Variants in CSMD3 observed in about 807,000 individuals in gnomAD.
CSMD3 encodes the protein CUB and sushi domain-containing protein 3.
In CSMD3, 177 loss-of-function variants were observed where a neutral mutation model predicts 435.2. The ratio of observed to expected loss-of-function variants is 0.41; its 90% CI spans 0.36 to 0.46. CSMD3 has a LOEUF of 0.46. CSMD3 is among the 20% of genes least tolerant of loss of function. CSMD3 has a pLI of 0.34. For missense variants in CSMD3, 4,265 were observed against 4,504.6 expected (o/e 0.95, Z 1.52); for synonymous variants, 1,656 against 1,520.5 (o/e 1.09, Z -2.07).
intron 3 of CSMD3, among the ~76,000 whole-genome samples, chr8:113,235,045 G>A (rs2093132143): frequency 6.6e-6 from 1 of 152,108 alleles, no homozygotes; most frequent in African/African-American, 2.4e-5. Context: ...GTTTTTCATG[G>A]GAGGTGCAGG....
chr8:112,264,188 A>C (rs1030059342), intron 60 of CSMD3, among the ~76,000 whole-genome samples: 2 of 152,124 alleles, frequency 1.3e-5, no homozygotes, highest in African/African-American at 4.8e-5. Flanking sequence ...TGGGTTGTTT[A>C]ACTATATATA....
chr8:112,501,437 G>A (rs1368494580), intron 30 of CSMD3, among the ~76,000 whole-genome samples: 1 of 149,622 alleles, frequency 6.7e-6, no homozygotes, highest in African/African-American at 2.4e-5. Flanking sequence ...ATGCAAAATA[G>A]GAAAAAGATG....
At chr8:112,821,006 G>A (rs1281397840) in intron 12 of CSMD3, among the ~76,000 whole-genome samples, 2 of 152,148 alleles carry the variant, frequency 1.3e-5, no homozygotes, top group Non-Finnish European at 2.9e-5. Context: ...TGGCTGCATA[G>A]TATTCCATGA....
At chr8:113,131,009 A>C (rs900593800) in intron 4 of CSMD3, among the ~76,000 whole-genome samples, 20 of 152,184 alleles carry the variant, frequency 1.3e-4, no homozygotes, top group African/African-American at 4.8e-4. Context: ...GAAATTTCTA[A>C]GGAGCAAAGT....
intron 1 of CSMD3, among the ~76,000 whole-genome samples, chr8:113,408,573 T>G (rs2094543341): frequency 6.6e-6 from 1 of 151,934 alleles, no homozygotes; most frequent in South Asian, 2.1e-4. Context: ...ATAAAGGTAT[T>G]GACTAAGATA....
At chr8:112,816,727 A>C (rs2079386133) in intron 12 of CSMD3, among the ~76,000 whole-genome samples, 1 of 152,074 alleles carries the variant, frequency 6.6e-6, no homozygotes, top group Non-Finnish European at 1.5e-5. Context: ...AAGAGCAATG[A>C]TAGTCATCTA....
At chr8:113,242,653 T>C (rs1163557787) in intron 3 of CSMD3, among the ~76,000 whole-genome samples, 3 of 152,038 alleles carry the variant, frequency 2.0e-5, no homozygotes, top group South Asian at 4.1e-4. Flanking sequence ...TATTTTTTAA[T>C]AGAAATTAAT....
At chr8:113,023,408 C>T (rs1426113077) in intron 5 of CSMD3, among the ~76,000 whole-genome samples, 1 of 152,060 alleles carries the variant, frequency 6.6e-6, no homozygotes, top group Non-Finnish European at 1.5e-5. Flanking sequence ...CTCTCTCTCT[C>T]TCCCTCTCTC....
At chr8:113,319,506 A>T (rs1248243729) in intron 1 of CSMD3, among the ~76,000 whole-genome samples, 1 of 151,986 alleles carries the variant, frequency 6.6e-6, no homozygotes, top group Non-Finnish European at 1.5e-5. Flanking sequence ...ATAGCCCATA[A>T]ATTGCCTATT....
In CSMD3 at chr8:112,287,079, GC is replaced by G; in HGVS notation, c.9315del (p.Arg3105SerfsTer66). 6.2e-7 allele frequency: 1 copy of G among 1,613,472 alleles called. No homozygotes were observed. Among genetic ancestry groups the G allele is most frequent in the East Asian group, 2.2e-5 (1 of 44,850 alleles). On this transcript the variant is annotated frameshift_variant, in exon 58 of 71. Coordinates refer to ENST00000297405, the MANE Select transcript of CSMD3 (RefSeq NM_198123.2). LOFTEE classifies it high-confidence loss of function. The stretch of plus-strand genomic sequence containing the variant: ...TTGAGATTACCTTTGCACTCTGGCT[GC>G]CTTCCGGTCCAACTGCCATTAGCTA... ...TCLANGSWTG[R>X]QPECKAVQCG...
intron 1 of CSMD3, among the ~76,000 whole-genome samples, chr8:113,366,714 T>C (rs1437426292): frequency 6.6e-6 from 1 of 152,054 alleles, no homozygotes; most frequent in African/African-American, 2.4e-5. Context: ...ACAAAATCAG[T>C]TTGCTCATTT....
intron 1 of CSMD3, among the ~76,000 whole-genome samples, chr8:113,372,919 C>T (rs1343973186): frequency 2.2e-5 from 3 of 133,986 alleles, no homozygotes; most frequent in African/African-American, 5.5e-5. Context: ...CCGGCCTGGG[C>T]GACAGAGCGA....
chr8:112,540,298 C>CA (rs1043416544), intron 27 of CSMD3, among the ~76,000 whole-genome samples: 36 of 150,912 alleles, frequency 2.4e-4, no homozygotes, highest in East Asian at 7.8e-4. Flanking sequence ...GAGAAAGATG[C>CA]AAAAAAAAGA....
chr8:112,480,822 A>C (rs1819562916), intron 31 of CSMD3, among the ~76,000 whole-genome samples: 1 of 152,186 alleles, frequency 6.6e-6, no homozygotes, highest in Admixed American at 6.6e-5. Context: ...ATAGTAATGC[A>C]AACAGACAAA....
chr8:112,463,364 A>T (rs531558431), intron 32 of CSMD3, among the ~76,000 whole-genome samples: 23 of 152,202 alleles, frequency 1.5e-4, no homozygotes, highest in Non-Finnish European at 3.2e-4. Context: ...TCTGTCTCAA[A>T]GAAAGAGAAA....
chr8:112,657,025 G>A (rs1288365144), intron 17 of CSMD3, among the ~76,000 whole-genome samples: 1 of 149,872 alleles, frequency 6.7e-6, no homozygotes, highest in African/African-American at 2.5e-5. Context: ...TTCCAAGTAA[G>A]AAAACCACAG....
intron 30 of CSMD3, among the ~76,000 whole-genome samples, chr8:112,495,641 G>C (rs117582116): frequency 0.016 from 2,403 of 152,064 alleles, 30 homozygotes; most frequent in Non-Finnish European, 0.023. Flanking sequence ...GAAAACACCT[G>C]GAGAATACTT....
chr8:112,538,004 G>T (rs1156604608), intron 27 of CSMD3, among the ~76,000 whole-genome samples: 3 of 151,842 alleles, frequency 2.0e-5, no homozygotes, highest in Admixed American at 6.6e-5. Context: ...TGATCAAGTG[G>T]GATACATCCC....
intron 3 of CSMD3, among the ~76,000 whole-genome samples, chr8:113,275,129 T>C (rs2093560121): frequency 6.6e-6 from 1 of 152,106 alleles, no homozygotes; most frequent in Non-Finnish European, 1.5e-5. Context: ...TTTATTATGT[T>C]AGATCCTATT....
Sources: gnomAD v4.1 joint callset for allele counts (sites outside exome capture counted in the v4.1 genomes callset) on GRCh38, gnomAD v4.1.1 for gene constraint, MANE v1.5 for transcripts, NCBI Gene and HGNC (gene_info 2026-07-23, HGNC 2026-07-21) for gene names.